BCL2L13: variants seen among roughly 807,000 people sequenced by gnomAD.
BCL2L13 encodes the protein bcl-2-like protein 13.
In BCL2L13, 13 loss-of-function variants were observed where a neutral mutation model predicts 25.8. The observed-to-expected ratio is 0.50, with a 90% confidence interval of 0.33 to 0.80. The LOEUF (loss-of-function observed/expected upper bound fraction) is 0.80. Ranked by LOEUF, BCL2L13 falls within the 30% of genes least tolerant of loss-of-function variation. The probability of loss-of-function intolerance (pLI) is 0.02; values close to 1 mark genes in which losing one functional copy is unlikely to be tolerated. For synonymous variants in BCL2L13, 244 were observed against 230.3 expected, an observed-to-expected ratio of 1.06 and a Z score of -0.54; for missense variants, 504 against 574.9, an observed-to-expected ratio of 0.88 and a Z score of 1.26.
At chr22:17,643,472 GC>G (rs1236799565) in intron 1 of BCL2L13, among the ~76,000 whole-genome samples, 1 of 151,754 alleles carries the variant, frequency 6.6e-6, no homozygotes, top group Non-Finnish European at 1.5e-5. Flanking sequence ...ATAGGAGCTG[GC>G]AAAGCATGGA....
At chr22:17,650,775 C>T (rs1025677963) in intron 1 of BCL2L13, among the ~76,000 whole-genome samples, 1 of 151,054 alleles carries the variant, frequency 6.6e-6, no homozygotes, top group Non-Finnish European at 1.5e-5. Context: ...TGGTGCAGTC[C>T]AGGCTCACTG....
intron 6 of BCL2L13, among the ~76,000 whole-genome samples, chr22:17,719,785 C>A (rs1045317683): frequency 6.8e-6 from 1 of 148,068 alleles, no homozygotes; most frequent in Non-Finnish European, 1.5e-5. Context: ...GCCGAGATCA[C>A]GCCACTGCAC....
chr22:17,692,543 C>A (rs905397190), intron 4 of BCL2L13: 2 of 152,220 alleles, frequency 1.3e-5, no homozygotes, highest in Non-Finnish European at 2.9e-5. Flanking sequence ...GAATCTGCTA[C>A]TTAGCCCAAG....
At chr22:17,638,376 T>C (rs2064911606), upstream of BCL2L13, 1 of 263,468 alleles carries the variant, frequency 3.8e-6, no homozygotes, top group South Asian at 1.7e-4. Context: ...ATCGAGGCTG[T>C]CGTGACTGTG....
intron 5 of BCL2L13, among the ~76,000 whole-genome samples, chr22:17,697,302 G>T (rs1263116693): frequency 1.3e-5 from 2 of 152,146 alleles, no homozygotes; most frequent in Non-Finnish European, 2.9e-5. Context: ...GCTGGGCATG[G>T]TGGCGCATGC....
chr22:17,682,203 C>T (rs1255711720), intron 2 of BCL2L13, among the ~76,000 whole-genome samples: 1 of 151,978 alleles, frequency 6.6e-6, no homozygotes, highest in Non-Finnish European at 1.5e-5. Context: ...TAGAATTAAC[C>T]AGTAATAAGC....
chr22:17,646,970 TTTTTTTTTTC>T, intron 1 of BCL2L13, among the ~76,000 whole-genome samples: 1 of 118,350 alleles, frequency 8.4e-6, no homozygotes, highest in African/African-American at 3.2e-5. Flanking sequence ...TTTTTTTTTT[TTTTTTTTTTC>T]TTTTTCTTTT....
At chr22:17,696,045 C>A in intron 4 of BCL2L13, 96 bp from the exon 5 acceptor site, 1 of 807,572 alleles carries the variant, frequency 1.2e-6, no homozygotes, top group East Asian at 3.0e-5. Flanking sequence ...GTCAGTTTAG[C>A]AAAAAGTTCA....
chr22:17,646,947 ATATATATATTTTT>A (rs1239113669), intron 1 of BCL2L13, among the ~76,000 whole-genome samples: 4 of 24,204 alleles, frequency 1.7e-4, no homozygotes, highest in African/African-American at 7.2e-4. Context: ...ATATATATAT[ATATATATATTTTT>A]TTTTTTTTTT....
At chr22:17,631,685 TATATATATATATA>T (rs2058024724) in intron 1 of BCL2L13, among the ~76,000 whole-genome samples, 1 of 40,218 alleles carries the variant, frequency 2.5e-5, no homozygotes, top group Non-Finnish European at 5.4e-5. Context: ...TATATATATA[TATATATATATATA>T]TATATATATT....
Position 17,711,063 on chromosome 22 carries a change from GAA to G in BCL2L13, c.600+8680_600+8681del, listed in dbSNP as rs1364861609. On this transcript the variant is annotated intron_variant, in intron 6 of 6. Coordinates refer to ENST00000317582, the MANE Select transcript of BCL2L13 (RefSeq NM_015367.4). The stretch of plus-strand genomic sequence containing the variant: ...AACTTTGAGCTGTTAAAAATAAGGG[GAA>G]AAGCCAGGCGTGGTGGTGCGGTGGC... Among the ~76,000 whole-genome samples the G allele has an allele frequency of 4.1e-3, 621 of 150,546 alleles. 3 individuals carry two copies. The highest frequency in any genetic ancestry group is 0.019 in the Middle Eastern group (5 of 266).
chr22:17,679,264 CTTTTTTT>C lies in BCL2L13; in HGVS notation c.122-3932_122-3926del, dbSNP rs3044588. ...GCTGCATATGTCAATTGGTTTGGCT[CTTTTTTT>C]TTTTTTTTTTTTTTTTTGAGACAGT... On this transcript the variant is annotated intron_variant, in intron 2 of 6. Coordinates refer to ENST00000317582, the MANE Select transcript of BCL2L13 (RefSeq NM_015367.4). Among the ~76,000 whole-genome samples the C allele has an allele frequency of 2.0e-4, 15 of 76,122 alleles. No homozygotes were observed. In the East Asian group the frequency reaches 2.9e-3, roughly 15 times the overall value. The allele number at this position is 76,122 out of a possible 152,430, so 49.9% of individuals were successfully genotyped here.
chr22:17,641,798 G>GTT (rs35688861), intron 1 of BCL2L13, among the ~76,000 whole-genome samples: 57 of 133,690 alleles, frequency 4.3e-4, no homozygotes, highest in Middle Eastern at 3.7e-3. Flanking sequence ...CATAATATGT[G>GTT]TTTTTTTTTT....
intron 6 of BCL2L13, among the ~76,000 whole-genome samples, chr22:17,709,097 G>C (rs1350403267): frequency 6.6e-6 from 1 of 152,028 alleles, no homozygotes; most frequent in Non-Finnish European, 1.5e-5. Flanking sequence ...TTAGCTGGGC[G>C]TGGTGGCAGG....
chr22:17,726,369 AC>A (rs1251223220), intron 6 of BCL2L13, among the ~76,000 whole-genome samples: 2 of 132,570 alleles, frequency 1.5e-5, no homozygotes, highest in Admixed American at 1.5e-4. Context: ...AAAAAAAAAA[AC>A]CTCAGATTTT....
intron 2 of BCL2L13, among the ~76,000 whole-genome samples, chr22:17,662,521 T>C (rs2146556270): frequency 6.6e-6 from 1 of 152,020 alleles, no homozygotes; most frequent in African/African-American, 2.4e-5. Context: ...TTAGTCTTCT[T>C]CATTAAAATA....
chr22:17,683,226 A>T lies in BCL2L13; in HGVS notation c.134A>T (p.Asp45Val). 1 of 1,561,808 alleles carries T rather than the reference A, an allele frequency of 6.4e-7. No individual in the cohort carries two copies. The highest frequency in any genetic ancestry group is 8.8e-7 in the Non-Finnish European group (1 of 1,138,702). ...TTGTTGCTTTCAGGGGTTCAACTAGATATAGCTTCACAATCTCTGGATCAA... is the reference window on the plus strand; with the variant it reads ...TTGTTGCTTTCAGGGGTTCAACTAGTTATAGCTTCACAATCTCTGGATCAA... ...HLSSPQGVQL[D>V]IASQSLDQEI... is the part of the protein sequence containing the mutation. The change falls in exon 3 of 7, where the codon GAT becomes GTT. Residue 45 changes from aspartate (D) to valine (V), a missense_variant. Asp to Val is a radical substitution (Grantham distance 152, BLOSUM62 -3). Transcript: ENST00000317582.
Position 17,680,382 on chromosome 22 carries a change from C to T in BCL2L13, c.122-2832C>T, listed in dbSNP as rs146635753. On this transcript the variant is annotated intron_variant, in intron 2 of 6. Transcript: ENST00000317582. ...AAAATTAGCGGGGAATGGTGTCGGG[C>T]GCCTTAGTCCCAGCTACTCGGGAGG... Among the ~76,000 whole-genome samples, 638 of 146,658 alleles carry T rather than the reference C, an allele frequency of 4.4e-3. 8 individuals are homozygous for T. Among genetic ancestry groups the T allele is most frequent in the African/African-American group, 0.015 (604 of 39,608 alleles).
intron 2 of BCL2L13, among the ~76,000 whole-genome samples, chr22:17,669,321 C>T (rs777617562): frequency 6.6e-6 from 1 of 152,130 alleles, no homozygotes; most frequent in Non-Finnish European, 1.5e-5. Flanking sequence ...CGTGAGCCAC[C>T]GCACCTGGCC....
Sources: allele counts gnomAD v4.1 joint callset (sites outside exome capture counted in the v4.1 genomes callset), GRCh38; gene constraint gnomAD v4.1.1; transcripts MANE v1.5; gene names NCBI Gene and HGNC (gene_info 2026-07-23, HGNC 2026-07-21).